Variants in ASTN2 observed in about 807,000 individuals in gnomAD.
The protein encoded by ASTN2 is astrotactin 2.
A neutral mutation model predicts 139.8 loss-of-function variants in ASTN2; 54 were observed. The ratio of observed to expected loss-of-function variants is 0.39; its 90% CI spans 0.31 to 0.48. ASTN2 has a LOEUF of 0.48. Ranked by LOEUF, ASTN2 falls within the 20% of genes least tolerant of loss-of-function variation. The pLI, the probability that ASTN2 is intolerant of heterozygous loss-of-function variation, is 0.95. For missense variants in ASTN2, 1,565 were observed against 1,725.1 expected, an observed-to-expected ratio of 0.91 and a Z score of 1.64; for synonymous variants, 756 against 719.5, an observed-to-expected ratio of 1.05 and a Z score of -0.81.
intron 11 of ASTN2, among the ~76,000 whole-genome samples, chr9:116,826,076 C>T (rs1252912588): frequency 6.6e-6 from 1 of 152,226 alleles, no homozygotes; most frequent in African/African-American, 2.4e-5. Context: ...ATGGACTCTG[C>T]CTTCTCTGGT....
chr9:116,570,563 T>A (rs992605089), intron 19 of ASTN2, among the ~76,000 whole-genome samples: 74 of 152,092 alleles, frequency 4.9e-4, no homozygotes, highest in African/African-American at 1.8e-3. Context: ...GCCCGGCTAA[T>A]TTTTTTTGTA....
At chr9:117,193,911 A>G (rs1257031830) in intron 3 of ASTN2, among the ~76,000 whole-genome samples, 1 of 152,148 alleles carries the variant, frequency 6.6e-6, no homozygotes, top group South Asian at 2.1e-4. Flanking sequence ...AGAACAGAGT[A>G]TGGCTTAAAG....
chr9:116,812,888 G>C (rs1228122197), intron 12 of ASTN2, among the ~76,000 whole-genome samples: 1 of 152,020 alleles, frequency 6.6e-6, no homozygotes, highest in Non-Finnish European at 1.5e-5. Flanking sequence ...GAGAGATTCA[G>C]GGGGAAAAAA....
At chr9:117,077,260 A>G (rs568828251) in intron 5 of ASTN2, among the ~76,000 whole-genome samples, 6 of 152,198 alleles carry the variant, frequency 3.9e-5, no homozygotes, top group South Asian at 2.1e-4. Flanking sequence ...GCGAGACTCA[A>G]TGGAGCTCCT....
At chr9:116,814,608 C>A (rs779698177) in intron 12 of ASTN2, among the ~76,000 whole-genome samples, 1 of 151,874 alleles carries the variant, frequency 6.6e-6, no homozygotes, top group Non-Finnish European at 1.5e-5. Flanking sequence ...ACTAAGATAC[C>A]TTCCCACTTC....
intron 3 of ASTN2, among the ~76,000 whole-genome samples, chr9:117,174,708 G>T (rs1318567840): frequency 6.6e-6 from 1 of 151,994 alleles, no homozygotes; most frequent in Admixed American, 6.6e-5. Context: ...CACCTCACTT[G>T]ATGCTGAAAG....
chr9:117,011,711 T>C (rs1837542377), intron 6 of ASTN2, among the ~76,000 whole-genome samples: 1 of 152,238 alleles, frequency 6.6e-6, no homozygotes, highest in African/African-American at 2.4e-5. Context: ...ATTTAATCCT[T>C]ACAACAGCCT....
chr9:116,949,973 CTTT>C (rs558642886), intron 10 of ASTN2, among the ~76,000 whole-genome samples: 1 of 144,006 alleles, frequency 6.9e-6, no homozygotes, highest in East Asian at 2.0e-4. Context: ...CAAAGTTTTT[CTTT>C]TTTTTTTTTC....
At chr9:117,309,104 T>C (rs1482589543) in intron 1 of ASTN2, among the ~76,000 whole-genome samples, 1 of 152,260 alleles carries the variant, frequency 6.6e-6, no homozygotes, top group Non-Finnish European at 1.5e-5. Flanking sequence ...TTTATGTATG[T>C]GTGTATGTAC....
At chr9:117,337,112 T>C (rs1799632957) in intron 1 of ASTN2, among the ~76,000 whole-genome samples, 1 of 152,164 alleles carries the variant, frequency 6.6e-6, no homozygotes, top group South Asian at 2.1e-4. Flanking sequence ...AATACATGTA[T>C]GCAAATCACA....
chr9:116,565,383 CTCTCCATATATATATATA>C (rs1185414076), intron 19 of ASTN2, among the ~76,000 whole-genome samples: 471 of 36,068 alleles, frequency 0.013, 9 homozygotes, highest in Admixed American at 0.016. Flanking sequence ...CTCTCTCTCT[CTCTCCATATATATATATA>C]TATATATATA....
chr9:116,883,431 C>A (rs1395916255), intron 10 of ASTN2, among the ~76,000 whole-genome samples: 1 of 152,140 alleles, frequency 6.6e-6, no homozygotes, highest in African/African-American at 2.4e-5. Flanking sequence ...TATATAATAT[C>A]CATGTCCCTT....
intron 11 of ASTN2, among the ~76,000 whole-genome samples, chr9:116,835,817 C>G (rs1831972223): frequency 6.6e-6 from 1 of 152,116 alleles, no homozygotes; most frequent in South Asian, 2.1e-4. Context: ...GAGAGGTTCT[C>G]TCTCCGTCAC....
chr9:117,060,384 A>G (rs1464246699), intron 5 of ASTN2, among the ~76,000 whole-genome samples: 18 of 78,744 alleles, frequency 2.3e-4, no homozygotes, highest in African/African-American at 1.2e-3. Flanking sequence ...GAAAGAAAGA[A>G]AGAAAGAAAG....
chr9:117,178,534 A>T (rs1830974829), intron 3 of ASTN2, among the ~76,000 whole-genome samples: 1 of 152,198 alleles, frequency 6.6e-6, no homozygotes, highest in African/African-American at 2.4e-5. Flanking sequence ...TCAGCAGCAA[A>T]TTCCCCAACA....
rs564689363 is a variant in ASTN2 at position 116,770,748 on chromosome 9, GT to G, written c.2396+34883del. On this transcript the variant is annotated intron_variant, in intron 13 of 22. Transcript: ENST00000313400. ...CTTGAACACACATGTATTTACATAT[GT>G]TTTTTTCAAGGTGATGAGTACCCTA... is the stretch of plus-strand genomic sequence containing the variant. 3.3e-5 allele frequency among the ~76,000 whole-genome samples: 5 copies of G among 152,112 alleles called. 1 individual carries two copies. The highest frequency in any genetic ancestry group is 4.2e-4 in the South Asian group (2 of 4,818).
chr9:117,392,337 A>G (rs955736377), intron 1 of ASTN2, among the ~76,000 whole-genome samples: 17 of 152,216 alleles, frequency 1.1e-4, no homozygotes, highest in African/African-American at 3.6e-4. Context: ...AAAGGGAGAA[A>G]TCCAAGGATT....
At position 116,699,786 on chromosome 9, in the gene ASTN2, A is replaced by G; in HGVS notation, c.2806+25985T>C. 9 of 1,587,262 alleles carry G rather than the reference A, an allele frequency of 5.7e-6. No homozygotes were observed. Among genetic ancestry groups the G allele is most frequent in the Non-Finnish European group, 7.8e-6 (9 of 1,157,782 alleles). Reference sequence around the variant, plus strand: ...CTTGGTTGTTAGTGGCACATGCAGAATAGACTCAGCCTATGTCCTGATTCC... The same window carrying G: ...CTTGGTTGTTAGTGGCACATGCAGAGTAGACTCAGCCTATGTCCTGATTCC... On this transcript the variant is annotated intron_variant, in intron 16 of 22. Coordinates refer to ENST00000313400, the MANE Select transcript of ASTN2 (RefSeq NM_001365068.1). This position sits in a 1 kb window ranked among gnomAD's most constrained non-coding sequence, Gnocchi z 4.2.
At chr9:116,609,525 A>G (rs1855422701) in intron 19 of ASTN2, among the ~76,000 whole-genome samples, 1 of 151,576 alleles carries the variant, frequency 6.6e-6, no homozygotes, top group Admixed American at 6.6e-5. Flanking sequence ...TTTCATGCAC[A>G]GCAATAATAT....
Sources: gnomAD v4.1 joint callset for allele counts (sites outside exome capture counted in the v4.1 genomes callset) on GRCh38, gnomAD v4.1.1 for gene constraint, Gnocchi (gnomAD v3.1) non-coding constraint, MANE v1.5 for transcripts, NCBI Gene and HGNC (gene_info 2026-07-23, HGNC 2026-07-21) for gene names.